Variants in SEMA4D observed in about 807,000 individuals in gnomAD.
SEMA4D encodes semaphorin-4D.
SEMA4D carries 22 observed loss-of-function variants against 74.8 expected under a neutral mutation model. The ratio of observed to expected loss-of-function variants is 0.29; its 90% CI spans 0.21 to 0.42. The LOEUF is 0.42. Ranked by LOEUF, SEMA4D falls within the 10% of genes least tolerant of loss-of-function variation. The pLI, the probability that SEMA4D is intolerant of heterozygous loss-of-function variation, is 1.00. For missense variants in SEMA4D, 937 were observed against 1,118.4 expected, an observed-to-expected ratio of 0.84 and a Z score of 2.31; for synonymous variants, 445 against 463.7, an observed-to-expected ratio of 0.96 and a Z score of 0.52.
chr9:89,487,188 T>C (rs1269818319), intron 1 of SEMA4D, among the ~76,000 whole-genome samples: 1 of 150,256 alleles, frequency 6.7e-6, no homozygotes, highest in African/African-American at 2.4e-5. Context: ...AAAAGATACA[T>C]AATTACCAAG....
intron 9 of SEMA4D, 131 bp from the exon 10 acceptor site, chr9:89,389,178 C>T (rs1839251014): frequency 1.1e-6 from 1 of 877,848 alleles, no homozygotes. Flanking sequence ...GCTCGGGCAA[C>T]AGGAGACAGA....
rs555446772 is a variant in SEMA4D at position 89,454,280 on chromosome 9, TAA to T, written c.-244+1606_-244+1607del. On this transcript the variant is annotated intron_variant, in intron 2 of 15. Coordinates refer to ENST00000422704, the MANE Select transcript of SEMA4D (RefSeq NM_001371194.2). ...ACTTACATATCCTGCCTCTTACAGC[TAA>T]AGTCACATCTTGAAACGCCTTCTAA... Among the ~76,000 whole-genome samples, 691 of 152,286 alleles carry T rather than the reference TAA, an allele frequency of 4.5e-3. 7 individuals carry two copies. The highest frequency in any genetic ancestry group is 0.016 in the African/African-American group (659 of 41,554).
At chr9:89,419,074 G>A (rs191836428) in intron 2 of SEMA4D, among the ~76,000 whole-genome samples, 19 of 151,396 alleles carry the variant, frequency 1.3e-4, no homozygotes, top group African/African-American at 4.6e-4. Context: ...CTTAGACACG[G>A]CCATCCAGGC....
At chr9:89,412,969 G>T (rs1014471641) in intron 2 of SEMA4D, among the ~76,000 whole-genome samples, 3 of 152,144 alleles carry the variant, frequency 2.0e-5, no homozygotes, top group African/African-American at 7.2e-5. Flanking sequence ...AATCATTGAT[G>T]GGTGTTACAT....
At chr9:89,458,534 A>G (rs1856493952) in intron 1 of SEMA4D, among the ~76,000 whole-genome samples, 2 of 151,952 alleles carry the variant, frequency 1.3e-5, no homozygotes, top group Admixed American at 1.3e-4. Flanking sequence ...GCATGCATAC[A>G]TGCACACACC....
chr9:89,440,496 G>T (rs1286405070), intron 2 of SEMA4D, among the ~76,000 whole-genome samples: 1 of 137,878 alleles, frequency 7.3e-6, no homozygotes, highest in Non-Finnish European at 1.6e-5. Context: ...TGGCCCCTGA[G>T]CCCTACCCTC....
intron 5 of SEMA4D, 22 bp from the exon 6 acceptor site, chr9:89,396,857 C>T: frequency 6.3e-7 from 1 of 1,599,830 alleles, no homozygotes; most frequent in Non-Finnish European, 8.5e-7. Context: ...AGAAATGCAC[C>T]ATTAGCAACC....
chr9:89,427,454 C>T (rs117477428), intron 2 of SEMA4D, among the ~76,000 whole-genome samples: 3 of 152,284 alleles, frequency 2.0e-5, no homozygotes, highest in Admixed American at 6.5e-5. Flanking sequence ...TAACCCCTGC[C>T]GTCCTCTCAG....
chr9:89,481,766 C>T (rs760543392), intron 1 of SEMA4D, among the ~76,000 whole-genome samples: 10 of 152,224 alleles, frequency 6.6e-5, no homozygotes, highest in Non-Finnish European at 1.3e-4. Context: ...GATTAACCTG[C>T]GCTGTGATCA....
intron 2 of SEMA4D, among the ~76,000 whole-genome samples, chr9:89,443,221 CT>C (rs1405071682): frequency 1.8e-4 from 28 of 152,232 alleles, no homozygotes; most frequent in Non-Finnish European, 3.4e-4. Flanking sequence ...CACTACCCCC[CT>C]GGACAGAGGC....
Position 89,484,706 on chromosome 9 carries a change from G to A in SEMA4D, c.-310+13213C>T, listed in dbSNP as rs768631582. Among the ~76,000 whole-genome samples, 58 of 150,800 alleles carry A rather than the reference G, an allele frequency of 3.8e-4. No homozygotes were observed. The highest frequency in any genetic ancestry group is 6.7e-4 in the Non-Finnish European group (45 of 67,614). ...TGGCTGTGTGTGTGGTATGTGATGT[G>A]GTGTATGGATGTGTTGTGTGTTATG... On this transcript the variant is annotated intron_variant, in intron 1 of 15. Transcript: ENST00000422704. This position sits in a 1 kb window ranked among gnomAD's most constrained non-coding sequence, Gnocchi z 4.1.
chr9:89,476,746 C>A (rs141775540), intron 1 of SEMA4D, among the ~76,000 whole-genome samples: 1 of 152,310 alleles, frequency 6.6e-6, no homozygotes, highest in East Asian at 1.9e-4. Flanking sequence ...CACAATCAAT[C>A]AGGGACATGG....
At chr9:89,423,592 G>A (rs1847436759) in intron 2 of SEMA4D, among the ~76,000 whole-genome samples, 1 of 152,108 alleles carries the variant, frequency 6.6e-6, no homozygotes, top group Non-Finnish European at 1.5e-5. Flanking sequence ...TAGCTGCAGT[G>A]CCGGCTGTGA....
chr9:89,489,496 C>T (rs1477731292), intron 1 of SEMA4D, among the ~76,000 whole-genome samples: 2 of 152,220 alleles, frequency 1.3e-5, no homozygotes, highest in Admixed American at 6.5e-5. Context: ...TAAGTGTTCA[C>T]TTCCCATTCC....
At chr9:89,429,236 C>T (rs890021122) in intron 2 of SEMA4D, among the ~76,000 whole-genome samples, 4 of 152,216 alleles carry the variant, frequency 2.6e-5, no homozygotes, top group Admixed American at 6.5e-5. Flanking sequence ...ACCAGGCCGG[C>T]GGCCACCTCG....
rs370439510 is a variant in SEMA4D, at chr9:89,388,879, G to C, written c.943C>G (p.Pro315Ala). The C allele has an allele frequency of 5.6e-6, 9 of 1,613,926 alleles. No individual in the cohort carries two copies. Among genetic ancestry groups the C allele is most frequent in the Non-Finnish European group, 7.6e-6 (9 of 1,179,958 alleles). ...TCCACCCAGGGCACTTACAGCTGTG[G>C]GGTGAAGAGTGCATAGAACACAGGC... ...KVPVFYALFT[P>A]QLNNVGLSAV... Residue 315 changes from proline (P) to alanine (A), a missense_variant, in exon 10 of 16, where the codon CCA becomes GCA. Coordinates refer to ENST00000422704, the MANE Select transcript of SEMA4D (RefSeq NM_001371194.2).
intron 4 of SEMA4D, among the ~76,000 whole-genome samples, chr9:89,400,248 G>C (rs939761658): frequency 1.3e-5 from 2 of 152,204 alleles, no homozygotes; most frequent in African/African-American, 4.8e-5. Context: ...CTTCCAGGGG[G>C]TGGGGGCCTT....
chr9:89,362,254 G>T lies in SEMA4D; in HGVS notation c.*148C>A, dbSNP rs993164358. On this transcript the variant is annotated 3_prime_UTR_variant, in exon 19 of 19. Transcript: ENST00000339861. ...CCACTGTCCCGCCTCTGCCCATCAGGTGGTGGCCCAATGGCTGTGTTCAGA... is the reference window on the plus strand; with the variant it reads ...CCACTGTCCCGCCTCTGCCCATCAGTTGGTGGCCCAATGGCTGTGTTCAGA... 7.3e-6 allele frequency: 10 copies of T among 1,371,262 alleles called. No homozygotes were observed. The African/African-American group carries it at 1.4e-4, about 20-fold the overall frequency. 84.9% of individuals were successfully genotyped at this position (1,371,262 alleles called of 1,614,324 possible). A position where few individuals can be genotyped will look rare whatever the true frequency, so the allele number is the denominator to read the frequency against.
intron 18 of SEMA4D, chr9:89,362,496 T>G: frequency 1.2e-6 from 2 of 1,613,746 alleles, no homozygotes; most frequent in Non-Finnish European, 1.7e-6. Flanking sequence ...TGCAGCCCAG[T>G]CTGTCTCATA....
Sources: allele counts gnomAD v4.1 joint callset (sites outside exome capture counted in the v4.1 genomes callset), GRCh38; gene constraint gnomAD v4.1.1; non-coding constraint Gnocchi (gnomAD v3.1); transcripts MANE v1.5; gene names NCBI Gene and HGNC (gene_info 2026-07-23, HGNC 2026-07-21).